KCNJ6: variants seen among roughly 807,000 people sequenced by gnomAD.
KCNJ6 encodes the protein potassium inwardly rectifying channel subfamily J member 6, also known as G protein-activated inward rectifier potassium channel 2.
KCNJ6 carries 9 observed loss-of-function variants against 34.2 expected under a neutral mutation model. That is an observed-to-expected ratio of 0.26 (90% CI 0.16 to 0.46). The LOEUF (loss-of-function observed/expected upper bound fraction) is 0.46, where lower values mean the gene tolerates loss of function less well. KCNJ6 is among the 20% of genes least tolerant of loss of function. The pLI is 1.00. For missense variants in KCNJ6, 236 were observed against 531.3 expected (o/e 0.44, Z 5.46); for synonymous variants, 196 against 207.1 (o/e 0.95, Z 0.46).
intron 2 of KCNJ6, among the ~76,000 whole-genome samples, chr21:37,765,416 C>CG (rs1568840631): frequency 1.3e-5 from 2 of 152,136 alleles, no homozygotes; most frequent in African/African-American, 4.8e-5. Context: ...TATCTGGAGG[C>CG]GCCTTTGACA....
intron 2 of KCNJ6, among the ~76,000 whole-genome samples, chr21:37,823,654 T>C (rs1421799441): frequency 6.6e-6 from 1 of 152,228 alleles, no homozygotes; most frequent in Non-Finnish European, 1.5e-5. Flanking sequence ...GGTTCCCCTT[T>C]CGCCATGATT....
At chr21:37,744,366 T>C (rs2054956626) in intron 2 of KCNJ6, among the ~76,000 whole-genome samples, 1 of 151,864 alleles carries the variant, frequency 6.6e-6, no homozygotes, top group Non-Finnish European at 1.5e-5. Flanking sequence ...CCAGATGAGA[T>C]AAGCTGAGAG....
chr21:37,634,950 T>A (rs2054350825), intron 3 of KCNJ6, among the ~76,000 whole-genome samples: 1 of 151,908 alleles, frequency 6.6e-6, no homozygotes, highest in African/African-American at 2.4e-5. Context: ...TAGAGATGGG[T>A]TTCGCCATGT....
At chr21:37,798,804 T>C (rs150906213) in intron 2 of KCNJ6, among the ~76,000 whole-genome samples, 21 of 152,240 alleles carry the variant, frequency 1.4e-4, no homozygotes, top group African/African-American at 4.1e-4. Flanking sequence ...TTTGAGGTGA[T>C]AGAAAGGTTC....
At chr21:37,637,191 A>G (rs986372094) in intron 3 of KCNJ6, among the ~76,000 whole-genome samples, 1 of 152,210 alleles carries the variant, frequency 6.6e-6, no homozygotes, top group African/African-American at 2.4e-5. Context: ...TGTCAAAAAG[A>G]AGCAGGATAG....
intron 3 of KCNJ6, among the ~76,000 whole-genome samples, chr21:37,680,063 T>C (rs1164650446): frequency 6.6e-6 from 1 of 152,166 alleles, no homozygotes; most frequent in Non-Finnish European, 1.5e-5. Flanking sequence ...AAATCATGCC[T>C]TTTTTCCTGT....
chr21:37,766,673 T>C (rs77478340), intron 2 of KCNJ6, among the ~76,000 whole-genome samples: 4 of 152,088 alleles, frequency 2.6e-5, no homozygotes, highest in Non-Finnish European at 5.9e-5. Context: ...GGCTTTGCAG[T>C]TGCACCAAAG....
At chr21:37,741,272 C>A (rs1012277696) in intron 2 of KCNJ6, among the ~76,000 whole-genome samples, 1 of 152,176 alleles carries the variant, frequency 6.6e-6, no homozygotes, top group Non-Finnish European at 1.5e-5. Flanking sequence ...CCCCCCACAC[C>A]CTCTGGACTC....
At chr21:37,841,267 C>T (rs1475701581) in intron 1 of KCNJ6, among the ~76,000 whole-genome samples, 1 of 151,948 alleles carries the variant, frequency 6.6e-6, no homozygotes, top group African/African-American at 2.4e-5. Flanking sequence ...GGTTATAACC[C>T]ACTGAGTTTG....
chr21:37,755,194 A>G (rs1407595476), intron 2 of KCNJ6, among the ~76,000 whole-genome samples: 1 of 152,196 alleles, frequency 6.6e-6, no homozygotes, highest in African/African-American at 2.4e-5. Context: ...AACAGAAATT[A>G]CAATAAAGAA....
chr21:37,657,398 T>C (rs1315795437), intron 3 of KCNJ6, among the ~76,000 whole-genome samples: 2 of 152,060 alleles, frequency 1.3e-5, no homozygotes, highest in East Asian at 1.9e-4. Flanking sequence ...CTGAAAACCT[T>C]AGGGGTGGGT....
At chr21:37,651,366 T>A (rs2054432617) in intron 3 of KCNJ6, among the ~76,000 whole-genome samples, 3 of 152,062 alleles carry the variant, frequency 2.0e-5, no homozygotes, top group African/African-American at 7.2e-5. Flanking sequence ...TAAGAAGGCA[T>A]TGGAGAGTTT....
chr21:37,630,097 G>A (rs1223361570), intron 3 of KCNJ6, among the ~76,000 whole-genome samples: 1 of 124,644 alleles, frequency 8.0e-6, no homozygotes, highest in African/African-American at 2.9e-5. Flanking sequence ...AACTGAGTTA[G>A]CCTCATAAGC....
chr21:37,796,984 G>A (rs896291085), intron 2 of KCNJ6, among the ~76,000 whole-genome samples: 23 of 151,100 alleles, frequency 1.5e-4, no homozygotes, highest in African/African-American at 5.6e-4. Context: ...TAGTAGAGAC[G>A]GGGTTTCACC....
intron 2 of KCNJ6, among the ~76,000 whole-genome samples, chr21:37,794,451 T>G (rs763020288): frequency 6.6e-6 from 1 of 152,200 alleles, no homozygotes; most frequent in South Asian, 2.1e-4. Context: ...AAATAAGGTA[T>G]ATGAAGTGCT....
At chr21:37,857,047 T>C (rs943996657) in intron 1 of KCNJ6, among the ~76,000 whole-genome samples, 1 of 152,236 alleles carries the variant, frequency 6.6e-6, no homozygotes, top group Non-Finnish European at 1.5e-5. Flanking sequence ...TCTCTGCGGA[T>C]AAAAGTAAAT....
intron 3 of KCNJ6, among the ~76,000 whole-genome samples, chr21:37,711,992 C>T (rs1004470215): frequency 6.6e-6 from 1 of 152,182 alleles, no homozygotes; most frequent in Non-Finnish European, 1.5e-5. Flanking sequence ...AAACCATATT[C>T]CTCCCTTTGG....
At chr21:37,702,470 C>A (rs1450061073) in intron 3 of KCNJ6, among the ~76,000 whole-genome samples, 2 of 152,114 alleles carry the variant, frequency 1.3e-5, no homozygotes, top group Non-Finnish European at 2.9e-5. Context: ...CACAGTATGG[C>A]TCAGGATAAC....
intron 1 of KCNJ6, among the ~76,000 whole-genome samples, chr21:37,915,014 T>C (rs1277357078): frequency 6.6e-6 from 1 of 152,002 alleles, no homozygotes; most frequent in Non-Finnish European, 1.5e-5. Context: ...CCTCTGTGGC[T>C]GTTTCTATTA....
Sources: allele counts gnomAD v4.1 joint callset (sites outside exome capture counted in the v4.1 genomes callset), GRCh38; gene constraint gnomAD v4.1.1; transcripts MANE v1.5; gene names NCBI Gene and HGNC (gene_info 2026-07-23, HGNC 2026-07-21).